The following RBFOX3 variants were observed in gnomAD, a reference collection of about 807,000 sequenced individuals.
RBFOX3 encodes RNA binding fox-1 homolog 3.
Under a neutral mutation model 48.7 loss-of-function variants are expected in RBFOX3, and 17 were observed. That is an observed-to-expected ratio of 0.35 (90% CI 0.24 to 0.52). The LOEUF (loss-of-function observed/expected upper bound fraction) is 0.52, where lower values mean the gene tolerates loss of function less well. Ranked by LOEUF, RBFOX3 falls within the 20% of genes least tolerant of loss-of-function variation. The pLI, the probability that RBFOX3 is intolerant of heterozygous loss-of-function variation, is 0.94. For synonymous variants in RBFOX3, 212 were observed against 209.5 expected (o/e 1.01, Z -0.10); for missense variants, 382 against 497.5 (o/e 0.77, Z 2.21).
intron 4 of RBFOX3, among the ~76,000 whole-genome samples, chr17:79,206,313 C>A (rs1294203971): frequency 1.3e-5 from 2 of 152,064 alleles, no homozygotes; most frequent in African/African-American, 2.4e-5. Context: ...CAAAGGCTAT[C>A]CGTTTTGAGT....
At chr17:79,607,612 A>C (rs909387138) in intron 1 of RBFOX3, among the ~76,000 whole-genome samples, 135 of 152,302 alleles carry the variant, frequency 8.9e-4, no homozygotes, top group African/African-American at 3.1e-3. Context: ...ATGGGTCAGA[A>C]CACCATCTGC....
At chr17:79,126,386 C>A (rs76787097) in intron 4 of RBFOX3, among the ~76,000 whole-genome samples, 1 of 152,188 alleles carries the variant, frequency 6.6e-6, no homozygotes, top group Non-Finnish European at 1.5e-5. Flanking sequence ...GATGTGAGCA[C>A]CCCTGCCCGG....
chr17:79,612,422 G>A (rs2093975788), upstream of RBFOX3, among the ~76,000 whole-genome samples: 1 of 152,118 alleles, frequency 6.6e-6, no homozygotes, highest in African/African-American at 2.4e-5. Context: ...GCCAGGAAGA[G>A]GGGAGTATGG....
intron 1 of RBFOX3, among the ~76,000 whole-genome samples, chr17:79,532,647 G>A (rs950274954): frequency 5.7e-4 from 87 of 152,338 alleles, no homozygotes; most frequent in African/African-American, 1.9e-3. Context: ...AGGAAGGAGC[G>A]GCCAGGGGCC....
At chr17:79,606,233 A>T (rs2093827584) in intron 1 of RBFOX3, among the ~76,000 whole-genome samples, 1 of 152,246 alleles carries the variant, frequency 6.6e-6, no homozygotes, top group Admixed American at 6.5e-5. Flanking sequence ...CCAGGATCAG[A>T]GGCCTGATGA....
At position 79,392,385 on chromosome 17, in the gene RBFOX3, G is replaced by T. The variant is rs1026347820; in HGVS notation, c.-174-84561C>A. ...CCGTCTTTCATTGTGGAGTTGTGAA[G>T]ATTCATAAGCTAACTCTCACACGGT... On this transcript the variant is annotated intron_variant, in intron 2 of 14. Transcript: ENST00000693108. The surrounding 1 kb of genome is among the most constrained non-coding windows in gnomAD (Gnocchi z 5.0). Among the ~76,000 whole-genome samples, 9 of 152,268 alleles carry T rather than the reference G, an allele frequency of 5.9e-5. No homozygotes were observed. The highest frequency in any genetic ancestry group is 2.2e-4 in the African/African-American group (9 of 41,538).
At chr17:79,453,225 C>G (rs571735438) in intron 2 of RBFOX3, among the ~76,000 whole-genome samples, 68 of 152,362 alleles carry the variant, frequency 4.5e-4, no homozygotes, top group African/African-American at 1.6e-3. Context: ...CCAGACCCAG[C>G]GGCCATGCTG....
chr17:79,225,251 G>T (rs1474053795), intron 4 of RBFOX3, among the ~76,000 whole-genome samples: 2 of 148,910 alleles, frequency 1.3e-5, no homozygotes, highest in African/African-American at 5.0e-5. Flanking sequence ...TCTCTCGCTG[G>T]CCAGTCCCCT....
intron 3 of RBFOX3, among the ~76,000 whole-genome samples, chr17:79,262,832 C>T (rs11077419): frequency 0.67 from 102,090 of 152,262 alleles, 34,449 homozygotes; most frequent in East Asian, 0.84. Context: ...GCCATGAGCA[C>T]TGGGGCAGCC....
intron 4 of RBFOX3, among the ~76,000 whole-genome samples, chr17:79,188,082 G>C (rs536450037): frequency 6.6e-6 from 1 of 152,356 alleles, no homozygotes; most frequent in African/African-American, 2.4e-5. Flanking sequence ...TGCAAGCAGG[G>C]GTGAAGCAAG....
At chr17:79,097,223 G>T in intron 11 of RBFOX3, 69 bp downstream of exon 11, 1 of 1,361,686 alleles carries the variant, frequency 7.3e-7, no homozygotes, top group South Asian at 1.4e-5. Context: ...ACTGCGCAGG[G>T]CCTCCCCATT....
intron 1 of RBFOX3, among the ~76,000 whole-genome samples, chr17:79,567,180 C>CTTT (rs1159762873): frequency 9.1e-4 from 84 of 92,044 alleles, no homozygotes; most frequent in Non-Finnish European, 1.2e-3. Flanking sequence ...TTCTTTCTTT[C>CTTT]TTTTTTTTTT....
At chr17:79,365,850 G>C (rs2057667134) in intron 2 of RBFOX3, among the ~76,000 whole-genome samples, 1 of 152,244 alleles carries the variant, frequency 6.6e-6, no homozygotes, top group Admixed American at 6.5e-5. Context: ...CGAGAGGGAA[G>C]GGGGCTTGCC....
At chr17:79,584,428 G>T (rs918359543) in intron 1 of RBFOX3, among the ~76,000 whole-genome samples, 124 of 152,268 alleles carry the variant, frequency 8.1e-4, no homozygotes, top group African/African-American at 2.8e-3. Context: ...TACAAAAAAA[G>T]ATATTTGCTC....
the RBFOX3 span, among the ~76,000 whole-genome samples, chr17:79,636,577 G>A: frequency 6.6e-6 from 1 of 151,992 alleles, no homozygotes; most frequent in Non-Finnish European, 1.5e-5. Context: ...AAACTCTTTT[G>A]TATGCAATGT....
intron 2 of RBFOX3, among the ~76,000 whole-genome samples, chr17:79,359,965 A>G (rs906645969): frequency 3.9e-5 from 6 of 152,010 alleles, no homozygotes; most frequent in Admixed American, 2.0e-4. Context: ...GGCTCAAGCA[A>G]TACTCCTGCC....
chr17:79,147,554 GA>G (rs1355506283), intron 4 of RBFOX3, among the ~76,000 whole-genome samples: 16 of 152,172 alleles, frequency 1.1e-4, no homozygotes, highest in African/African-American at 2.9e-4. Context: ...TCTCATTGGG[GA>G]GGGGGGGGGC....
intron 3 of RBFOX3, among the ~76,000 whole-genome samples, chr17:79,282,180 G>A (rs1268098732): frequency 2.0e-5 from 3 of 152,202 alleles, no homozygotes. Flanking sequence ...TGGGCATGGG[G>A]AGCTATGGGT....
chr17:79,194,715 C>T (rs561042855), intron 4 of RBFOX3, among the ~76,000 whole-genome samples: 1 of 150,656 alleles, frequency 6.6e-6, no homozygotes, highest in South Asian at 2.1e-4. Context: ...AGAGCTAAAA[C>T]ACGGCCGGTT....
Sources: gnomAD v4.1 joint callset for allele counts (sites outside exome capture counted in the v4.1 genomes callset) on GRCh38, gnomAD v4.1.1 for gene constraint, Gnocchi (gnomAD v3.1) non-coding constraint, MANE v1.5 for transcripts, NCBI Gene and HGNC (gene_info 2026-07-23, HGNC 2026-07-21) for gene names.